GPR141: variants seen among roughly 807,000 people sequenced by gnomAD.
The protein encoded by GPR141 is probable G protein-coupled receptor 141.
In GPR141, 6 loss-of-function variants were observed where a neutral mutation model predicts 6.8. The ratio of observed to expected loss-of-function variants is 0.88; its 90% CI spans 0.48 to 1.74. The LOEUF (loss-of-function observed/expected upper bound fraction) is 1.74, where lower values mean the gene tolerates loss of function less well. Among genes scored for constraint, GPR141 ranks in the 40% most tolerant of loss-of-function variants. The probability of loss-of-function intolerance (pLI) is 0.01; values close to 1 mark genes in which losing one functional copy is unlikely to be tolerated. For synonymous variants in GPR141, 140 were observed against 142.3 expected (o/e 0.98, Z 0.11); for missense variants, 372 against 372.9 (o/e 1.00, Z 0.02).
At chr7:37,704,605 C>A (rs1221037185) in intron 2 of GPR141, among the ~76,000 whole-genome samples, 1 of 152,090 alleles carries the variant, frequency 6.6e-6, no homozygotes, top group East Asian at 1.9e-4. Flanking sequence ...GATTACAGTT[C>A]AAGATGAGAT....
chr7:37,735,008 C>A (rs1812165492), intron 2 of GPR141, among the ~76,000 whole-genome samples: 1 of 152,144 alleles, frequency 6.6e-6, no homozygotes, highest in African/African-American at 2.4e-5. Flanking sequence ...GAGGAAGTTA[C>A]CTTTCTCTTG....
At chr7:37,729,065 A>G (rs1010038964) in intron 2 of GPR141, among the ~76,000 whole-genome samples, 8 of 152,162 alleles carry the variant, frequency 5.3e-5, no homozygotes, top group African/African-American at 1.9e-4. Flanking sequence ...ATGACAGGTA[A>G]GTCTGAGTCA....
intron 2 of GPR141, among the ~76,000 whole-genome samples, chr7:37,721,510 A>G (rs1240075286): frequency 6.6e-6 from 1 of 152,222 alleles, no homozygotes; most frequent in Non-Finnish European, 1.5e-5. Context: ...CTTTGATTTA[A>G]GAAAGGTCTT....
chr7:37,697,603 CA>C (rs890095987), intron 2 of GPR141, among the ~76,000 whole-genome samples: 2 of 152,104 alleles, frequency 1.3e-5, no homozygotes, highest in African/African-American at 4.8e-5. Flanking sequence ...GGAGGGAGAT[CA>C]GTGAAGGTGG....
chr7:37,731,490 C>T (rs1274647732), intron 2 of GPR141, among the ~76,000 whole-genome samples: 1 of 152,250 alleles, frequency 6.6e-6, no homozygotes, highest in East Asian at 1.9e-4. Flanking sequence ...GTCGCCCAGG[C>T]TGGAGTGCAA....
At chr7:37,683,980 A>C (rs755820599) in intron 1 of GPR141, 77 bp downstream of exon 1, 1 of 150,476 alleles carries the variant, frequency 6.6e-6, no homozygotes, top group Non-Finnish European at 1.5e-5. Context: ...ATTTGTTGGC[A>C]TAGTCCTAAT....
intron 2 of GPR141, among the ~76,000 whole-genome samples, chr7:37,737,414 T>C (rs1055728734): frequency 6.6e-6 from 1 of 152,190 alleles, no homozygotes; most frequent in Non-Finnish European, 1.5e-5. Flanking sequence ...CAGGATTCTA[T>C]TACAGCAGTC....
At chr7:37,709,882 G>A (rs1373903305) in intron 2 of GPR141, 2 of 152,208 alleles carry the variant, frequency 1.3e-5, no homozygotes, top group African/African-American at 2.4e-5. Context: ...GATGTCTGTT[G>A]TTTGTCAACT....
At chr7:37,740,289 A>G (rs1199720680) in intron 2 of GPR141, 91 bp from the exon 3 acceptor site, 3 of 793,358 alleles carry the variant, frequency 3.8e-6, no homozygotes, top group Non-Finnish European at 6.3e-6. Context: ...ATAAGCACAT[A>G]AATGGCAAAG....
chr7:37,741,046 A>G lies in GPR141; in HGVS notation c.653A>G (p.His218Arg). 1 of 1,614,080 alleles carries G rather than the reference A, an allele frequency of 6.2e-7. No individual in the cohort carries two copies. Residue 218 changes from histidine (H) to arginine (R), a missense_variant, in exon 3 of 3, where the codon CAC (histidine) becomes CGC (arginine). Coordinates refer to ENST00000334425, the MANE Select transcript of GPR141 (RefSeq NM_001381946.1). ...AAGCTACGCCACTCTTTACTATCCC[A>G]CCAGGAGTTCTGGGCTCAGCTGAAA... ...VQKLRHSLLS[H>R]QEFWAQLKNL...
At chr7:37,716,315 A>G (rs953125096) in intron 2 of GPR141, among the ~76,000 whole-genome samples, 31 of 152,356 alleles carry the variant, frequency 2.0e-4, no homozygotes, top group African/African-American at 7.2e-4. Context: ...GCTGTGACAT[A>G]AAAGTGGCAA....
chr7:37,701,937 G>T (rs956718606), intron 2 of GPR141, among the ~76,000 whole-genome samples: 21 of 152,258 alleles, frequency 1.4e-4, no homozygotes, highest in Admixed American at 1.0e-3. Context: ...TTTCCAGGAA[G>T]AATAAGGAGC....
chr7:37,716,476 G>A (rs370872875), intron 2 of GPR141, among the ~76,000 whole-genome samples: 1 of 152,082 alleles, frequency 6.6e-6, no homozygotes, highest in Non-Finnish European at 1.5e-5. Flanking sequence ...TGGGACACAG[G>A]GAGAGTAAGA....
At chr7:37,692,873 T>C (rs1273517130) in intron 2 of GPR141, among the ~76,000 whole-genome samples, 1 of 152,188 alleles carries the variant, frequency 6.6e-6, no homozygotes, top group Non-Finnish European at 1.5e-5. Flanking sequence ...TTTGTTTGAG[T>C]TCCTTGTAAA....
intron 2 of GPR141, among the ~76,000 whole-genome samples, chr7:37,720,446 A>G (rs983628794): frequency 2.6e-4 from 39 of 152,330 alleles, no homozygotes; most frequent in Non-Finnish European, 2.9e-4. Flanking sequence ...AGAGTTCAAA[A>G]AGGAAAAGAA....
intron 2 of GPR141, among the ~76,000 whole-genome samples, chr7:37,734,389 T>C (rs538971342): frequency 6.6e-6 from 1 of 152,342 alleles, no homozygotes; most frequent in South Asian, 2.1e-4. Context: ...CGCATTGTTC[T>C]CTTAGCTACA....
At chr7:37,730,345 A>G (rs1463698222) in intron 2 of GPR141, among the ~76,000 whole-genome samples, 3 of 152,236 alleles carry the variant, frequency 2.0e-5, no homozygotes, top group Non-Finnish European at 4.4e-5. Flanking sequence ...TAACAAGTGT[A>G]TCTCAAACAG....
intron 2 of GPR141, among the ~76,000 whole-genome samples, chr7:37,716,784 C>T (rs188382556): frequency 6.6e-6 from 1 of 152,168 alleles, no homozygotes; most frequent in South Asian, 2.1e-4. Context: ...GAATTTCTAT[C>T]TCTGAATAAA....
At chr7:37,724,107 C>T (rs1442739219) in intron 2 of GPR141, among the ~76,000 whole-genome samples, 1 of 152,174 alleles carries the variant, frequency 6.6e-6, no homozygotes, top group African/African-American at 2.4e-5. Flanking sequence ...TCAGCTCCCA[C>T]TTCCCTTGTA....
Sources: allele counts gnomAD v4.1 joint callset (sites outside exome capture counted in the v4.1 genomes callset), GRCh38; gene constraint gnomAD v4.1.1; transcripts MANE v1.5; gene names NCBI Gene and HGNC (gene_info 2026-07-23, HGNC 2026-07-21).